The following NBPF26 variants were observed in gnomAD, a reference collection of about 807,000 sequenced individuals.
The protein encoded by NBPF26 is NBPF member 26.
NBPF26 carries 79 observed loss-of-function variants against 119.6 expected under a neutral mutation model. That is an observed-to-expected ratio of 0.66 (90% confidence interval 0.55 to 0.80). The LOEUF (loss-of-function observed/expected upper bound fraction) is 0.80. Ranked by LOEUF, NBPF26 falls within the 30% of genes least tolerant of loss-of-function variation. The pLI, the probability that NBPF26 is intolerant of heterozygous loss-of-function variation, is 0.00. For synonymous variants in NBPF26, 299 were observed against 457.7 expected (o/e 0.65, Z 4.43); for missense variants, 800 against 1,198.2 (o/e 0.67, Z 4.91).
intron 5 of NBPF26, among the ~76,000 whole-genome samples, chr1:120,807,158 G>C (rs1160294634): frequency 7.8e-6 from 1 of 128,512 alleles, no homozygotes; most frequent in Non-Finnish European, 1.6e-5. Context: ...TATTTTTAAA[G>C]TCCTTGACAT....
chr1:120,776,256 A>G (rs1326681276), intron 2 of NBPF26, among the ~76,000 whole-genome samples: 1 of 115,262 alleles, frequency 8.7e-6, no homozygotes, highest in East Asian at 2.1e-4. Context: ...CAGAGGGGGT[A>G]TCAAGGCTGT....
rs1424613409 is a variant in NBPF26, at chr1:120,814,471, T to C, written c.1878-358T>C. On this transcript the variant is annotated intron_variant, in intron 11 of 29. Transcript: ENST00000620612. ...GGCCTCATTTCTGTACATGGCTTTG[T>C]ATCTAGTGGCCGCAAGATGCACTAT... is the stretch of plus-strand genomic sequence containing the variant. 1.8e-4 allele frequency among the ~76,000 whole-genome samples: 20 copies of C among 110,000 alleles called. 3 individuals are homozygous for C. The highest frequency in any genetic ancestry group is 3.5e-4 in the Non-Finnish European group (20 of 56,414). 72.2% of individuals were successfully genotyped at this position (110,000 alleles called of 152,430 possible).
At chr1:120,759,829 T>C (rs1651114668) in intron 1 of NBPF26, among the ~76,000 whole-genome samples, 2 of 115,664 alleles carry the variant, frequency 1.7e-5, no homozygotes, top group South Asian at 5.0e-4. Context: ...TTAACATTTT[T>C]TGAAATTTAC....
chr1:120,811,623 A>G (rs1446000329), intron 9 of NBPF26, among the ~76,000 whole-genome samples: 1 of 113,682 alleles, frequency 8.8e-6, no homozygotes, highest in Admixed American at 8.2e-5. Context: ...CTCATGGGGT[A>G]AAAATCTCAG....
Position 120,791,322 on chromosome 1 carries a change from G to A in NBPF26, c.416-1839G>A, listed in dbSNP as rs1217641944. Among the ~76,000 whole-genome samples, 4 of 89,168 alleles carry A rather than the reference G, an allele frequency of 4.5e-5. No individual in the cohort carries two copies. In the East Asian group the frequency reaches 8.0e-4, roughly 18 times the overall value. 58.5% of individuals were successfully genotyped at this position (89,168 alleles called of 152,430 possible). The stretch of plus-strand genomic sequence containing the variant: ...ATATATACCCAAAGAATTATAAATC[G>A]TGCTGCTATAAAGACACATGCACAC... On this transcript the variant is annotated intron_variant, in intron 3 of 29. Coordinates refer to ENST00000620612, the Ensembl canonical transcript of NBPF26.
At position 120,781,746 on chromosome 1, in the gene NBPF26, G is replaced by A. The variant is rs1264504495; in HGVS notation, c.156-3228G>A. 9.8e-4 allele frequency among the ~76,000 whole-genome samples: 110 copies of A among 112,774 alleles called. 31 individuals are homozygous for A. Among genetic ancestry groups the A allele is most frequent in the African/African-American group, 4.9e-3 (99 of 20,216 alleles). 74.0% of individuals were successfully genotyped at this position (112,774 alleles called of 152,430 possible). On this transcript the variant is annotated intron_variant, in intron 2 of 29. Coordinates refer to ENST00000620612, the Ensembl canonical transcript of NBPF26. ...GCCTGGCTAATTTTTTATATTTTTA[G>A]TAGAGACAGGACTGTGTTAGCCAGG...
chr1:120,763,635 G>A lies in NBPF26; in HGVS notation c.81G>A (p.Gln27=), dbSNP rs1459033575. 11 of 1,384,102 alleles carry A rather than the reference G, an allele frequency of 7.9e-6. 1 individual carries two copies. Among genetic ancestry groups the A allele is most frequent in the Non-Finnish European group, 1.1e-5 (11 of 1,030,020 alleles). 85.7% of individuals were successfully genotyped at this position (1,384,102 alleles called of 1,614,324 possible). A position where few individuals can be genotyped will look rare whatever the true frequency, so the allele number is the denominator to read the frequency against. Residue 27 remains glutamine (Q), a synonymous_variant, in exon 2 of 30, where the codon CAG becomes CAA. Transcript: ENST00000620612. ...ATTTGTTTTTATTTTTAGCATTGCA[G>A]TGTCGAGATGGCTATGAACCCTGTG...
At chr1:120,770,736 T>C (rs1459951754) in intron 2 of NBPF26, among the ~76,000 whole-genome samples, 2 of 119,096 alleles carry the variant, frequency 1.7e-5, no homozygotes, top group Non-Finnish European at 3.3e-5. Flanking sequence ...TACTGTCACC[T>C]TGAGTCTCAG....
At chr1:120,753,118 T>C (rs1571022223) in intron 1 of NBPF26, among the ~76,000 whole-genome samples, 1 of 43,490 alleles carries the variant, frequency 2.3e-5, no homozygotes, top group South Asian at 8.7e-4. Context: ...ATGGCACATG[T>C]ATACATATGT....
At chr1:120,730,678 T>A (rs1650866299) in intron 1 of NBPF26, among the ~76,000 whole-genome samples, 2 of 101,682 alleles carry the variant, frequency 2.0e-5, no homozygotes, top group South Asian at 2.8e-4. Context: ...GAAAGGGGGA[T>A]GATAAAGCCA....
rs1399824460 is a variant in NBPF26, at chr1:120,815,136, T to G, written c.2092+93T>G. The G allele has an allele frequency of 7.2e-5, 96 of 1,336,036 alleles. 20 individuals carry two copies. The highest frequency in any genetic ancestry group is 2.1e-4 in the East Asian group (9 of 43,702). The allele number at this position is 1,336,036 out of a possible 1,614,324, so 82.8% of individuals were successfully genotyped here. A position where few individuals can be genotyped will look rare whatever the true frequency, so the allele number is the denominator to read the frequency against. The stretch of plus-strand genomic sequence containing the variant: ...TTCACAATGACAGTTGTATCAGTGG[T>G]GTTTTTTTCCACTAAGCTTATGTGG... On this transcript the variant is annotated intron_variant, in intron 12 of 29. Transcript: ENST00000620612.
chr1:120,763,616 T>G lies in NBPF26; in HGVS notation c.74-12T>G. The G allele has an allele frequency of 7.7e-7, 1 of 1,297,274 alleles. No individual in the cohort carries two copies. Among genetic ancestry groups the G allele is most frequent in the Non-Finnish European group, 1.0e-6 (1 of 953,912 alleles). The allele number at this position is 1,297,274 out of a possible 1,614,324, so 80.4% of individuals were successfully genotyped here. On this transcript the variant is annotated splice_polypyrimidine_tract_variant and intron_variant, in intron 1 of 29. Coordinates refer to ENST00000620612, the Ensembl canonical transcript of NBPF26. Reference sequence around the variant, plus strand: ...TGACTTACTTCTAATGTGCATTTGTTTTTATTTTTAGCATTGCAGTGTCGA... The same window carrying G: ...TGACTTACTTCTAATGTGCATTTGTGTTTATTTTTAGCATTGCAGTGTCGA...
chr1:120,816,471 C>T (rs1186820860), intron 13 of NBPF26, 151 bp from the exon 14 acceptor site: 1 of 410,588 alleles, frequency 2.4e-6, no homozygotes. Context: ...GCAGAGAGAA[C>T]AGGATTGCAT....
chr1:120,812,982 G>A (rs1332600766), intron 10 of NBPF26, among the ~76,000 whole-genome samples: 2 of 119,028 alleles, frequency 1.7e-5, no homozygotes, highest in East Asian at 4.1e-4. Context: ...ATAAAAAGCA[G>A]AGAGTAGCTT....
chr1:120,793,892 T>A, intron 4 of NBPF26: 1 of 437,674 alleles, frequency 2.3e-6, no homozygotes, highest in South Asian at 2.2e-5. Context: ...TAACAGTAGG[T>A]GATCAACTTT....
At position 120,724,825 on chromosome 1, in the gene NBPF26, G is replaced by C. The variant is rs1357450155; in HGVS notation, c.73+575G>C. Among the ~76,000 whole-genome samples, 34 of 90,654 alleles carry C rather than the reference G, an allele frequency of 3.8e-4. 1 individual carries two copies. The highest frequency in any genetic ancestry group is 2.0e-3 in the African/African-American group (30 of 15,128). 59.5% of individuals were successfully genotyped at this position (90,654 alleles called of 152,430 possible). A position where few individuals can be genotyped will look rare whatever the true frequency, so the allele number is the denominator to read the frequency against. Reference sequence around the variant, plus strand: ...GACACTCCAACCCCACCGAAAGTCCGGGGGAGCCGTGTGTGCTGCTCGCGT... The same window carrying C: ...GACACTCCAACCCCACCGAAAGTCCCGGGGAGCCGTGTGTGCTGCTCGCGT... On this transcript the variant is annotated intron_variant, in intron 1 of 29. Transcript: ENST00000620612.
rs1553269702 is a variant in NBPF26, at chr1:120,805,605, C to T, written c.801C>T (p.Ala267=). The change falls in exon 5 of 30, where the codon GCC becomes GCT. Residue 267 remains alanine, a synonymous_variant. Transcript: ENST00000620612. ...CAAACGTCAGCATGGTGGTATCAGC[C>T]GGCCATTGGTCCAGTGAGAAGGCAG... 8,398 of 1,461,662 alleles carry T rather than the reference C, an allele frequency of 5.7e-3. 1,775 individuals carry two copies. The highest frequency in any genetic ancestry group is 6.5e-3 in the Non-Finnish European group (7,019 of 1,080,798). The allele number at this position is 1,461,662 out of a possible 1,614,324, so 90.5% of individuals were successfully genotyped here.
chr1:120,794,448 A>G (rs1423273445), intron 4 of NBPF26, among the ~76,000 whole-genome samples: 1 of 116,136 alleles, frequency 8.6e-6, no homozygotes, highest in African/African-American at 5.1e-5. Context: ...CAAAAGAAGG[A>G]AAACTGTAGG....
chr1:120,807,593 C>T lies in NBPF26; in HGVS notation c.962-14C>T. 1.3e-6 allele frequency: 2 copies of T among 1,482,194 alleles called. 1 individual carries two copies. Among genetic ancestry groups the T allele is most frequent in the Non-Finnish European group, 1.8e-6 (2 of 1,108,118 alleles). 91.8% of individuals were successfully genotyped at this position (1,482,194 alleles called of 1,614,324 possible). On this transcript the variant is annotated splice_polypyrimidine_tract_variant and intron_variant, in intron 5 of 29. Transcript: ENST00000620612. Reference sequence around the variant, plus strand: ...CAGCCTTCCACTGAGGCAGGTGTGTCTGTCTTTTCTCAGAGTATGAAGAGT... The same window carrying T: ...CAGCCTTCCACTGAGGCAGGTGTGTTTGTCTTTTCTCAGAGTATGAAGAGT...
Sources: gnomAD v4.1 joint callset for allele counts (sites outside exome capture counted in the v4.1 genomes callset) on GRCh38, gnomAD v4.1.1 for gene constraint, MANE v1.5 for transcripts, NCBI Gene and HGNC (gene_info 2026-07-23, HGNC 2026-07-21) for gene names.